FARP1: variants seen among roughly 807,000 people sequenced by gnomAD.
FARP1 encodes the protein FERM, ARH/RhoGEF and pleckstrin domain protein 1, also known as FERM, ARHGEF and pleckstrin domain-containing protein 1.
In FARP1, 52 loss-of-function variants were observed where a neutral mutation model predicts 128.8. The observed-to-expected ratio is 0.40, with a 90% CI of 0.32 to 0.51. The LOEUF is 0.51. FARP1 is among the 20% of genes least tolerant of loss of function. The pLI is 0.45. For synonymous variants in FARP1, 580 were observed against 551.8 expected, an observed-to-expected ratio of 1.05 and a Z score of -0.72; for missense variants, 1,333 against 1,367.9, an observed-to-expected ratio of 0.97 and a Z score of 0.40.
At chr13:98,295,544 C>A (rs1324320646) in intron 2 of FARP1, among the ~76,000 whole-genome samples, 1 of 152,192 alleles carries the variant, frequency 6.6e-6, no homozygotes, top group African/African-American at 2.4e-5. Flanking sequence ...TAAAAATAAC[C>A]TCCCAGTCCC....
chr13:98,411,379 G>T (rs1353742300), intron 15 of FARP1, among the ~76,000 whole-genome samples: 3 of 152,162 alleles, frequency 2.0e-5, no homozygotes, highest in Admixed American at 2.0e-4. Context: ...GATCCTCTGG[G>T]CTGTGGATTG....
intron 16 of FARP1, among the ~76,000 whole-genome samples, chr13:98,424,271 A>T (rs958948155): frequency 6.6e-6 from 1 of 152,250 alleles, no homozygotes; most frequent in Non-Finnish European, 1.5e-5. Flanking sequence ...ATGGAAAAAA[A>T]TTAATCTAAA....
chr13:98,153,749 A>C (rs1199157751), intron 1 of FARP1, among the ~76,000 whole-genome samples: 2 of 151,442 alleles, frequency 1.3e-5, no homozygotes, highest in Non-Finnish European at 2.9e-5. Flanking sequence ...TTTTTAGTAG[A>C]GACGGGCTTT....
chr13:98,325,485 C>T (rs144253239), intron 2 of FARP1, among the ~76,000 whole-genome samples: 367 of 152,296 alleles, frequency 2.4e-3, no homozygotes, highest in African/African-American at 8.6e-3. Flanking sequence ...AACCATCTCA[C>T]CAGCACTGTT....
intron 26 of FARP1, chr13:98,447,044 C>T (rs1172886839): frequency 1.9e-5 from 10 of 513,210 alleles, no homozygotes; most frequent in Non-Finnish European, 3.2e-5. Flanking sequence ...TTGGCTGAGG[C>T]CCTAGACATC....
intron 1 of FARP1, among the ~76,000 whole-genome samples, chr13:98,211,399 A>G (rs1880697077): frequency 6.6e-6 from 1 of 152,202 alleles, no homozygotes; most frequent in South Asian, 2.1e-4. Flanking sequence ...CTAATGCCTG[A>G]TGATCTGAGG....
In FARP1 at chr13:98,176,156, GTCTT is replaced by G. The variant is rs773880195; in HGVS notation, c.-24+32669_-24+32672del. 10 of 1,607,120 alleles carry G rather than the reference GTCTT, an allele frequency of 6.2e-6. No homozygotes were observed. In the East Asian group the frequency reaches 1.1e-4, roughly 18 times the overall value. ...CTCCCCAGTGTACATACAGACTTGA[GTCTT>G]TCTTATCTCTTTTTTCCTAAAAGAA... On this transcript the variant is annotated intron_variant, in intron 1 of 26. Coordinates refer to ENST00000319562, the MANE Select transcript of FARP1 (RefSeq NM_005766.4). The surrounding 1 kb of genome is among the most constrained non-coding windows in gnomAD (Gnocchi z 6.2).
rs186224168 is a variant in FARP1 at position 98,394,082 on chromosome 13, A to G, written c.1164+364A>G. ...GAGATGGGGACCCGCTTTGTAACCAATGGGTGTAACTCCTGCCTGGTGCCA... is the reference window on the plus strand; with the variant it reads ...GAGATGGGGACCCGCTTTGTAACCAGTGGGTGTAACTCCTGCCTGGTGCCA... On this transcript the variant is annotated intron_variant, in intron 12 of 26. Transcript: ENST00000319562. Among the ~76,000 whole-genome samples the G allele has an allele frequency of 3.9e-5, 6 of 152,286 alleles. No homozygotes were observed. In the East Asian group the frequency reaches 9.7e-4, roughly 25 times the overall value.
intron 2 of FARP1, among the ~76,000 whole-genome samples, chr13:98,316,284 C>T (rs776283738): frequency 1.3e-5 from 2 of 152,156 alleles, no homozygotes; most frequent in East Asian, 3.8e-4. Flanking sequence ...AGCAAAACCC[C>T]TAGCCAACAG....
At chr13:98,412,475 G>A (rs1184005268) in intron 16 of FARP1, among the ~76,000 whole-genome samples, 3 of 152,242 alleles carry the variant, frequency 2.0e-5, no homozygotes, top group Non-Finnish European at 4.4e-5. Context: ...TTGAAAAAGA[G>A]ATGTATGTGG....
chr13:98,309,153 C>CTT lies in FARP1; in HGVS notation c.172-34580_172-34579dup, dbSNP rs56030081. On this transcript the variant is annotated intron_variant, in intron 2 of 26. Transcript: ENST00000319562. ...TATATTAATATTAATTTTAAGAGGC[C>CTT]TTTTTTTTTTTTTTTTTTTTTTTTT... 3.8e-3 allele frequency among the ~76,000 whole-genome samples: 337 copies of CTT among 89,678 alleles called. 42 individuals carry two copies. The highest frequency in any genetic ancestry group is 7.5e-3 in the Middle Eastern group (1 of 134). The allele number at this position is 89,678 out of a possible 152,430, so 58.8% of individuals were successfully genotyped here.
At chr13:98,336,837 A>G (rs1887765467) in intron 2 of FARP1, among the ~76,000 whole-genome samples, 1 of 152,262 alleles carries the variant, frequency 6.6e-6, no homozygotes, top group African/African-American at 2.4e-5. Flanking sequence ...CTTTTAGAGC[A>G]TCATTAAAAG....
intron 14 of FARP1, among the ~76,000 whole-genome samples, chr13:98,410,247 G>T (rs1260786052): frequency 6.6e-6 from 1 of 152,224 alleles, no homozygotes; most frequent in Admixed American, 6.5e-5. Flanking sequence ...CTGACTGACA[G>T]CCGCCAAGGG....
intron 1 of FARP1, among the ~76,000 whole-genome samples, chr13:98,189,210 G>A (rs1879074388): frequency 6.6e-6 from 1 of 151,814 alleles, no homozygotes; most frequent in Non-Finnish European, 1.5e-5. Flanking sequence ...AGGGCTTCAA[G>A]TAGATCAGGC....
intron 1 of FARP1, among the ~76,000 whole-genome samples, chr13:98,185,959 A>G (rs1169173379): frequency 6.6e-6 from 1 of 152,120 alleles, no homozygotes; most frequent in Non-Finnish European, 1.5e-5. Context: ...CGGCCTCCCA[A>G]AGTGCTGAGA....
At chr13:98,198,719 A>T (rs1879735448) in intron 1 of FARP1, among the ~76,000 whole-genome samples, 1 of 151,808 alleles carries the variant, frequency 6.6e-6, no homozygotes, top group Non-Finnish European at 1.5e-5. Flanking sequence ...TCTACTAAAA[A>T]TAGAAAAGAT....
intron 21 of FARP1, among the ~76,000 whole-genome samples, chr13:98,439,407 G>A (rs991665521): frequency 1.3e-5 from 2 of 152,196 alleles, no homozygotes; most frequent in African/African-American, 4.8e-5. Context: ...TTCTCTAGTG[G>A]GGCTCTGGGG....
chr13:98,289,006 CAGTG>C (rs1885328282), intron 2 of FARP1, among the ~76,000 whole-genome samples: 1 of 146,626 alleles, frequency 6.8e-6, no homozygotes, highest in Non-Finnish European at 1.5e-5. Context: ...CAATTCGACT[CAGTG>C]GGATGATATT....
intron 1 of FARP1, among the ~76,000 whole-genome samples, chr13:98,190,081 G>C (rs1207639484): frequency 6.6e-6 from 1 of 152,086 alleles, no homozygotes; most frequent in Non-Finnish European, 1.5e-5. Context: ...TGGTTCTCTT[G>C]ACCCTGTCTG....
Sources: gnomAD v4.1 joint callset for allele counts (sites outside exome capture counted in the v4.1 genomes callset) on GRCh38, gnomAD v4.1.1 for gene constraint, Gnocchi (gnomAD v3.1) non-coding constraint, MANE v1.5 for transcripts, NCBI Gene and HGNC (gene_info 2026-07-23, HGNC 2026-07-21) for gene names.